LRRIQ3: variants seen among roughly 807,000 people sequenced by gnomAD.
The protein encoded by LRRIQ3 is leucine-rich repeat and IQ domain-containing protein 3.
Under a neutral mutation model 59.3 loss-of-function variants are expected in LRRIQ3, and 75 were observed. That is an observed-to-expected ratio of 1.26 (90% confidence interval 1.05 to 1.53). The LOEUF is 1.53. Among genes scored for constraint, LRRIQ3 ranks in the 40% most tolerant of loss-of-function variants. The probability of loss-of-function intolerance (pLI) is 0.00; values close to 1 mark genes in which losing one functional copy is unlikely to be tolerated. For missense variants in LRRIQ3, 831 were observed against 710.0 expected (o/e 1.17, Z -1.94); for synonymous variants, 250 against 231.3 (o/e 1.08, Z -0.73).
intron 5 of LRRIQ3, among the ~76,000 whole-genome samples, chr1:74,103,985 G>A (rs570961533): frequency 3.9e-5 from 6 of 152,076 alleles, no homozygotes; most frequent in African/African-American, 1.2e-4. Flanking sequence ...CAATAGTCCT[G>A]AGTAAGGTGA....
At chr1:74,157,477 T>A (rs1014539478) in intron 3 of LRRIQ3, among the ~76,000 whole-genome samples, 2 of 152,062 alleles carry the variant, frequency 1.3e-5, no homozygotes, top group African/African-American at 4.8e-5. Context: ...TAACTCTCAA[T>A]CCTTTATATC....
chr1:74,163,604 T>C lies in LRRIQ3; in HGVS notation c.574-7738A>G, dbSNP rs1190125271. Among the ~76,000 whole-genome samples the C allele has an allele frequency of 1.3e-5, 2 of 151,670 alleles. 1 individual carries two copies. The highest frequency in any genetic ancestry group is 3.0e-5 in the Non-Finnish European group (2 of 67,688). On this transcript the variant is annotated intron_variant, in intron 3 of 7. Coordinates refer to ENST00000354431, the MANE Select transcript of LRRIQ3 (RefSeq NM_001105659.2). Reference sequence around the variant, plus strand: ...TGTATCAATAATCTGTTAATATTTCTGGTTGAGTACTATACCATGGTAGGG... The same window carrying C: ...TGTATCAATAATCTGTTAATATTTCCGGTTGAGTACTATACCATGGTAGGG...
chr1:74,119,598 A>T (rs1396506072), intron 4 of LRRIQ3, among the ~76,000 whole-genome samples: 2 of 152,144 alleles, frequency 1.3e-5, no homozygotes, highest in Admixed American at 6.6e-5. Flanking sequence ...TCTGAAATAT[A>T]TTTTTGTTTA....
At chr1:74,042,036 T>G in intron 6 of LRRIQ3, 103 bp from the exon 7 acceptor site, 2 of 1,174,498 alleles carry the variant, frequency 1.7e-6, no homozygotes. Context: ...TTTTATTTAC[T>G]TTACTAAGAA....
At chr1:74,146,096 T>C (rs192100415) in intron 4 of LRRIQ3, among the ~76,000 whole-genome samples, 15 of 152,264 alleles carry the variant, frequency 9.9e-5, no homozygotes, top group African/African-American at 3.6e-4. Flanking sequence ...AGGCTACAAA[T>C]ACGCTATACC....
chr1:74,040,834 G>T (rs1400433262), intron 7 of LRRIQ3, among the ~76,000 whole-genome samples: 1 of 152,180 alleles, frequency 6.6e-6, no homozygotes, highest in Non-Finnish European at 1.5e-5. Flanking sequence ...ACATTGGAAA[G>T]CTGGAGAAAG....
At chr1:74,135,491 A>G (rs1328001288) in intron 4 of LRRIQ3, among the ~76,000 whole-genome samples, 3 of 152,014 alleles carry the variant, frequency 2.0e-5, no homozygotes, top group Non-Finnish European at 4.4e-5. Flanking sequence ...ATATCTCATA[A>G]CAAGGCTATA....
At chr1:74,083,132 G>A (rs1646291082) in intron 5 of LRRIQ3, 1 of 151,582 alleles carries the variant, frequency 6.6e-6, no homozygotes, top group African/African-American at 2.4e-5. Context: ...GCTTATGTAT[G>A]TACATATATA....
At chr1:74,191,605 C>G (rs1197549084) in intron 1 of LRRIQ3, among the ~76,000 whole-genome samples, 1 of 151,918 alleles carries the variant, frequency 6.6e-6, no homozygotes, top group Non-Finnish European at 1.5e-5. Context: ...TCTCAGACCA[C>G]AGTGGAATTA....
intron 4 of LRRIQ3, among the ~76,000 whole-genome samples, chr1:74,134,541 G>A (rs969168147): frequency 2.0e-5 from 3 of 151,772 alleles, no homozygotes; most frequent in African/African-American, 7.3e-5. Context: ...ATCTTTAAAA[G>A]CAATAACTAT....
chr1:74,122,995 T>TC (rs1174721113), intron 4 of LRRIQ3, among the ~76,000 whole-genome samples: 9 of 152,200 alleles, frequency 5.9e-5, no homozygotes, highest in Non-Finnish European at 1.2e-4. Flanking sequence ...AATATTTTTT[T>TC]CTGGCCTGGG....
chr1:74,135,034 C>A (rs988143103), intron 4 of LRRIQ3, among the ~76,000 whole-genome samples: 1 of 151,708 alleles, frequency 6.6e-6, no homozygotes, highest in Non-Finnish European at 1.5e-5. Context: ...TTCAGAGATG[C>A]GAATCAGCCA....
Position 74,102,249 on chromosome 1 carries a change from T to TGTG in LRRIQ3, c.867+7144_867+7145insCAC, listed in dbSNP as rs1429654714. On this transcript the variant is annotated intron_variant, in intron 5 of 7. Transcript: ENST00000354431. Reference sequence around the variant, plus strand: ...GATACTGATACAGTATTATCTTCACTGAGTGGTAAATAAAGGTATAATGTT... The same window carrying TGTG: ...GATACTGATACAGTATTATCTTCACTGTGGAGTGGTAAATAAAGGTATAATGTT... 2.6e-5 allele frequency among the ~76,000 whole-genome samples: 4 copies of TGTG among 151,998 alleles called. No individual in the cohort carries two copies. The East Asian group carries it at 5.8e-4, about 22-fold the overall frequency.
intron 4 of LRRIQ3, among the ~76,000 whole-genome samples, chr1:74,151,818 G>A (rs148736410): frequency 3.1e-3 from 477 of 152,190 alleles, no homozygotes; most frequent in Admixed American, 6.5e-3. Flanking sequence ...CATTAACAGG[G>A]AGGTAATAGA....
chr1:74,091,292 T>A (rs1280384227), intron 5 of LRRIQ3, among the ~76,000 whole-genome samples: 1 of 152,138 alleles, frequency 6.6e-6, no homozygotes, highest in Non-Finnish European at 1.5e-5. Context: ...GTGATTCAGT[T>A]TCTAGTGGTA....
intron 5 of LRRIQ3, among the ~76,000 whole-genome samples, chr1:74,097,715 A>C (rs972713129): frequency 6.6e-6 from 1 of 152,208 alleles, no homozygotes; most frequent in African/African-American, 2.4e-5. Context: ...TCTCAGAAGA[A>C]ACTCTACAAG....
intron 3 of LRRIQ3, among the ~76,000 whole-genome samples, chr1:74,162,280 C>G (rs1180289965): frequency 6.6e-6 from 1 of 151,646 alleles, no homozygotes; most frequent in Non-Finnish European, 1.5e-5. Context: ...TTTATCCAAA[C>G]TAATATAATG....
At chr1:74,109,047 T>A (rs1444374219) in intron 5 of LRRIQ3, among the ~76,000 whole-genome samples, 1 of 151,838 alleles carries the variant, frequency 6.6e-6, no homozygotes, top group Non-Finnish European at 1.5e-5. Context: ...GAATGAATGT[T>A]GTATTATAGA....
chr1:74,099,273 A>G (rs1646495766), intron 5 of LRRIQ3, among the ~76,000 whole-genome samples: 1 of 152,180 alleles, frequency 6.6e-6, no homozygotes, highest in Admixed American at 6.5e-5. Flanking sequence ...GAATACTATA[A>G]ACACCTCTAC....
Sources: gnomAD v4.1 joint callset for allele counts (sites outside exome capture counted in the v4.1 genomes callset) on GRCh38, gnomAD v4.1.1 for gene constraint, MANE v1.5 for transcripts, NCBI Gene and HGNC (gene_info 2026-07-23, HGNC 2026-07-21) for gene names.